ZNF721: variants seen among roughly 807,000 people sequenced by gnomAD.
The protein encoded by ZNF721 is zinc finger protein 721.
A neutral mutation model predicts 2.4 loss-of-function variants in ZNF721; 2 were observed. The observed-to-expected ratio is 0.82, with a 90% CI of 0.34 to 2.58. The LOEUF (loss-of-function observed/expected upper bound fraction) is 2.58, where lower values mean the gene tolerates loss of function less well. Ranked by LOEUF, ZNF721 falls within the 30% of genes most tolerant of loss-of-function variation. The probability of loss-of-function intolerance (pLI) is 0.11; values close to 1 mark genes in which losing one functional copy is unlikely to be tolerated. For missense variants in ZNF721, 1,187 were observed against 1,085.5 expected (o/e 1.09, Z -1.31); for synonymous variants, 398 against 381.8 (o/e 1.04, Z -0.50).
chr4:449,098 A>C (rs918047057), intron 2 of ZNF721, among the ~76,000 whole-genome samples: 2 of 152,168 alleles, frequency 1.3e-5, no homozygotes, highest in Non-Finnish European at 2.9e-5. Context: ...GTAGTTGTTT[A>C]ATGTGTACTG....
chr4:497,989 G>C (rs1716322564), intron 1 of ZNF721, among the ~76,000 whole-genome samples: 1 of 151,512 alleles, frequency 6.6e-6, no homozygotes, highest in Non-Finnish European at 1.5e-5. Context: ...GGCGGATCAC[G>C]AGGTCAGGAG....
chr4:474,088 C>T, intron 1 of ZNF721: 4 of 1,357,620 alleles, frequency 2.9e-6, no homozygotes, highest in South Asian at 2.3e-5. Context: ...CCGAGGCCTC[C>T]CTGAGGTGTG....
At chr4:479,042 C>G (rs1553869023) in intron 1 of ZNF721, among the ~76,000 whole-genome samples, 1 of 152,186 alleles carries the variant, frequency 6.6e-6, no homozygotes. Flanking sequence ...GCTGGGATTA[C>G]AGGTGTGAAC....
chr4:463,366 G>C (rs1333313923), intron 2 of ZNF721, among the ~76,000 whole-genome samples: 1 of 152,162 alleles, frequency 6.6e-6, no homozygotes, highest in African/African-American at 2.4e-5. Flanking sequence ...CAAGGATCTA[G>C]ACCCAGAAAT....
intron 2 of ZNF721, among the ~76,000 whole-genome samples, chr4:464,980 G>A (rs1576962813): frequency 6.6e-6 from 1 of 151,918 alleles, no homozygotes; most frequent in East Asian, 1.9e-4. Flanking sequence ...AGCTACTCGG[G>A]AGGCTGAGGC....
rs199965227 is a variant in ZNF721, at chr4:444,141, A to C, written c.326T>G (p.Phe109Cys). The C allele has an allele frequency of 3.1e-5, 50 of 1,614,020 alleles. No homozygotes were observed. In the African/African-American group the frequency reaches 6.0e-4, roughly 19 times the overall value. Residue 109 changes from phenylalanine (F) to cysteine (C), a missense_variant, in exon 3 of 3, where the codon TTT becomes TGT. Phe to Cys is a radical substitution (Grantham distance 205). Coordinates refer to ENST00000511833, the MANE Select transcript of ZNF721 (RefSeq NM_133474.4). ...TGACTTGCCACATTCGTTACATTTAAAGTGTTTCTCTCCAGTATGTCTTGT... is the reference window on the plus strand; with the variant it reads ...TGACTTGCCACATTCGTTACATTTACAGTGTTTCTCTCCAGTATGTCTTGT... ...DKTRHTGEKH[F>C]KCNECGKSFQ...
At position 442,400 on chromosome 4, in the gene ZNF721, TTTC is replaced by T; in HGVS notation, c.2064_2066del (p.Lys689del). 6.2e-7 allele frequency: 1 copy of T among 1,613,884 alleles called. No homozygotes were observed. The highest frequency in any genetic ancestry group is 2.2e-5 in the East Asian group (1 of 44,870). On this transcript the variant is annotated inframe_deletion, in exon 3 of 3. Coordinates refer to ENST00000511833, the MANE Select transcript of ZNF721 (RefSeq NM_133474.4). ...TGTAAGGTTTTTCTCCAGTATGAATTTTCTTGTGTTGATTCAGGGCTATGGACC... is the reference window on the plus strand; with the variant it reads ...TGTAAGGTTTTTCTCCAGTATGAATTTTGTGTTGATTCAGGGCTATGGACC...
chr4:441,929 A>G lies in ZNF721; in HGVS notation c.2538T>C (p.Phe846=), dbSNP rs978101581. 3 of 1,613,838 alleles carry G rather than the reference A, an allele frequency of 1.9e-6. No individual in the cohort carries two copies. Among genetic ancestry groups the G allele is most frequent in the Admixed American group, 1.7e-5 (1 of 60,002 alleles). The change falls in exon 3 of 3, where the codon TTT becomes TTC. Residue 846 remains phenylalanine (F), a synonymous_variant. Transcript: ENST00000511833. The part of the protein sequence containing the change: ...PYTCEECGKA[F]RQSAILYVHR... ...GTACATAAAGGATTGCTGACTGTCTAAAGGCTTTGCCACATTCTTCACATG... is the reference window on the plus strand; with the variant it reads ...GTACATAAAGGATTGCTGACTGTCTGAAGGCTTTGCCACATTCTTCACATG...
chr4:463,164 G>A (rs778015568), intron 2 of ZNF721, among the ~76,000 whole-genome samples: 6 of 152,266 alleles, frequency 3.9e-5, no homozygotes, highest in South Asian at 2.1e-4. Flanking sequence ...AAAGCTCATC[G>A]TCACTGGTCG....
chr4:462,924 G>C (rs1715113584), intron 2 of ZNF721, among the ~76,000 whole-genome samples: 1 of 152,178 alleles, frequency 6.6e-6, no homozygotes, highest in African/African-American at 2.4e-5. Context: ...AAACTAAAGA[G>C]CTTCTGCACA....
chr4:468,983 T>C (rs1715344216), intron 2 of ZNF721, among the ~76,000 whole-genome samples: 1 of 152,188 alleles, frequency 6.6e-6, no homozygotes, highest in Non-Finnish European at 1.5e-5. Flanking sequence ...TTACTGTTTG[T>C]AGATAATATG....
intron 1 of ZNF721, among the ~76,000 whole-genome samples, chr4:480,415 A>G (rs559550124): frequency 1.4e-4 from 22 of 152,214 alleles, no homozygotes; most frequent in African/African-American, 4.8e-4. Context: ...TGTCAGAAAA[A>G]CTCAAAACAT....
rs374614076 is a variant in ZNF721 at position 443,647 on chromosome 4, C to T, written c.820G>A (p.Glu274Lys). ...CATTCTAAACATTTAAAGGGTTTCT[C>T]GCCAGTATGAATCCTCTTATGTTTA... ...FAKHKRIHTGEKPFKCLECGK... is the reference protein window; with the variant it reads ...FAKHKRIHTGKKPFKCLECGK... The change falls in exon 3 of 3, where the codon GAG (glutamate) becomes AAG (lysine). Residue 274 changes from glutamate to lysine, a missense_variant. Physicochemically the swap from Glu to Lys is moderately conservative, Grantham distance 56. Coordinates refer to ENST00000511833, the MANE Select transcript of ZNF721 (RefSeq NM_133474.4). The T allele has an allele frequency of 1.3e-4, 216 of 1,613,778 alleles. 1 individual carries two copies. The highest frequency in any genetic ancestry group is 3.3e-4 in the Middle Eastern group (2 of 6,078).
chr4:450,989 A>G (rs1714643439), intron 2 of ZNF721, among the ~76,000 whole-genome samples: 1 of 114,646 alleles, frequency 8.7e-6, no homozygotes, highest in Non-Finnish European at 1.8e-5. Context: ...ATATATATAT[A>G]TATATATCCC....
At chr4:497,730 T>TAA (rs1560250084) in intron 1 of ZNF721, among the ~76,000 whole-genome samples, 2 of 70,288 alleles carry the variant, frequency 2.8e-5, no homozygotes, top group African/African-American at 1.2e-4. Flanking sequence ...TACTAAAAAA[T>TAA]ACAAAAAAAA....
intron 1 of ZNF721, among the ~76,000 whole-genome samples, chr4:482,999 C>T (rs782473223): frequency 1.3e-5 from 2 of 152,076 alleles, no homozygotes; most frequent in Non-Finnish European, 1.5e-5. Flanking sequence ...GAAAGGGAAA[C>T]GCTTATACAG....
chr4:447,822 C>T (rs559700023), intron 2 of ZNF721, among the ~76,000 whole-genome samples: 2 of 136,442 alleles, frequency 1.5e-5, no homozygotes, highest in Admixed American at 7.1e-5. Flanking sequence ...ATAATAAAAA[C>T]GTTCCTTTAC....
At chr4:474,046 G>A (rs1377576560) in intron 1 of ZNF721, 15 of 1,481,338 alleles carry the variant, frequency 1.0e-5, no homozygotes, top group South Asian at 2.2e-5. Context: ...GCAGGTTACA[G>A]AGCGATGGAG....
At chr4:477,800 C>T (rs986708418) in intron 1 of ZNF721, among the ~76,000 whole-genome samples, 50 of 152,066 alleles carry the variant, frequency 3.3e-4, no homozygotes, top group African/African-American at 1.2e-3. Flanking sequence ...AAGAGATATG[C>T]GGGCACAATA....
Sources: gnomAD v4.1 joint callset for allele counts (sites outside exome capture counted in the v4.1 genomes callset) on GRCh38, gnomAD v4.1.1 for gene constraint, MANE v1.5 for transcripts, NCBI Gene and HGNC (gene_info 2026-07-23, HGNC 2026-07-21) for gene names.